Variants in CEACAM5 observed in about 807,000 individuals in gnomAD.
The protein encoded by CEACAM5 is cell adhesion molecule CEACAM5.
Under a neutral mutation model 63.0 loss-of-function variants are expected in CEACAM5, and 52 were observed. The observed-to-expected ratio is 0.83, with a 90% CI of 0.66 to 1.04. The LOEUF (loss-of-function observed/expected upper bound fraction) is 1.04. CEACAM5 is among the 50% of genes least tolerant of loss of function. The pLI, the probability that CEACAM5 is intolerant of heterozygous loss-of-function variation, is 0.00. For synonymous variants in CEACAM5, 357 were observed against 351.3 expected (o/e 1.02, Z -0.18); for missense variants, 790 against 864.8 (o/e 0.91, Z 1.08).
intron 7 of CEACAM5, among the ~76,000 whole-genome samples, chr19:41,720,659 G>A (rs10417322): frequency 0.37 from 56,776 of 151,734 alleles, 10,895 homozygotes; most frequent in African/African-American, 0.46. Context: ...CACACGTGCC[G>A]CCATGCCCAG....
Position 41,727,326 on chromosome 19 carries a change from T to C in CEACAM5, c.*10T>C. On this transcript the variant is annotated 3_prime_UTR_variant, in exon 9 of 10. Coordinates refer to ENST00000221992, the MANE Select transcript of CEACAM5 (RefSeq NM_004363.6). Reference sequence around the variant, plus strand: ...GGTTGCTCTGATATAGCAGCCCTGGTGTAGTTTCTTCATTTCAGGAAGACT... The same window carrying C: ...GGTTGCTCTGATATAGCAGCCCTGGCGTAGTTTCTTCATTTCAGGAAGACT... 2 of 1,600,902 alleles carry C rather than the reference T, an allele frequency of 1.2e-6. No individual in the cohort carries two copies. Among genetic ancestry groups the C allele is most frequent in the African/African-American group, 2.7e-5 (2 of 74,660 alleles).
At chr19:41,723,514 G>A (rs1207708191) in intron 8 of CEACAM5, among the ~76,000 whole-genome samples, 2 of 152,030 alleles carry the variant, frequency 1.3e-5, no homozygotes, top group Admixed American at 6.6e-5. Context: ...TGGGATTTTG[G>A]ATTTTTGTGG....
intron 8 of CEACAM5, among the ~76,000 whole-genome samples, chr19:41,722,532 C>T (rs947927497): frequency 1.8e-4 from 28 of 152,158 alleles, no homozygotes; most frequent in African/African-American, 6.5e-4. Context: ...CTCCATTCTA[C>T]TTTCTGTCTC....
intron 6 of CEACAM5, among the ~76,000 whole-genome samples, chr19:41,718,698 G>C (rs1555815579): frequency 6.6e-6 from 1 of 152,224 alleles, no homozygotes; most frequent in African/African-American, 2.4e-5. Context: ...GCTCCTCTCT[G>C]TCACCAATAT....
chr19:41,719,816 G>A (rs2072588352), intron 6 of CEACAM5, 114 bp from the exon 7 acceptor site: 1 of 1,549,264 alleles, frequency 6.5e-7, no homozygotes. Context: ...CCTGCCATGG[G>A]CTTTTAAGGA....
intron 9 of CEACAM5, among the ~76,000 whole-genome samples, chr19:41,727,912 C>T (rs1418645795): frequency 1.3e-5 from 2 of 152,180 alleles, no homozygotes; most frequent in Non-Finnish European, 2.9e-5. Flanking sequence ...ACATCCCTGC[C>T]TCTCCACCCC....
At chr19:41,719,452 C>T (rs952792399) in intron 6 of CEACAM5, among the ~76,000 whole-genome samples, 4 of 152,196 alleles carry the variant, frequency 2.6e-5, no homozygotes, top group Admixed American at 6.5e-5. Flanking sequence ...TCTAGACTTG[C>T]TCCTGGTCTC....
At chr19:41,716,622 A>C (rs1473873345) in intron 4 of CEACAM5, among the ~76,000 whole-genome samples, 1 of 152,218 alleles carries the variant, frequency 6.6e-6, no homozygotes, top group African/African-American at 2.4e-5. Flanking sequence ...TGGGCACAGC[A>C]CATGGGACAC....
intron 2 of CEACAM5, among the ~76,000 whole-genome samples, chr19:41,711,439 A>G (rs2072434306): frequency 1.3e-5 from 2 of 152,168 alleles, no homozygotes; most frequent in East Asian, 1.9e-4. Flanking sequence ...TGAGTGAAGG[A>G]ATGATCCATA....
Position 41,720,129 on chromosome 19 carries a change from T to A in CEACAM5, c.1692T>A (p.Asn564Lys). 6.2e-7 allele frequency: 1 copy of A among 1,614,198 alleles called. No individual in the cohort carries two copies. The highest frequency in any genetic ancestry group is 1.1e-5 in the South Asian group (1 of 91,084). Residue 564 changes from asparagine (N) to lysine (K), a missense_variant, in exon 7 of 10, where the codon AAT becomes AAA. Transcript: ENST00000221992. ...RTLTLFNVTRNDARAYVCGIQ... is the reference protein window; with the variant it reads ...RTLTLFNVTRKDARAYVCGIQ... ...TCACTCTATTCAATGTCACAAGAAA[T>A]GACGCAAGAGCCTATGTATGTGGAA...
intron 9 of CEACAM5, among the ~76,000 whole-genome samples, chr19:41,728,031 G>A (rs1342941369): frequency 6.6e-6 from 1 of 152,126 alleles, no homozygotes; most frequent in Non-Finnish European, 1.5e-5. Context: ...TTAATCACAA[G>A]CAACTTCTGA....
rs10423171 is a variant in CEACAM5 at position 41,721,140 on chromosome 19, C to A, written c.1990C>A (p.Arg664Ser). Residue 664 changes from arginine to serine, a missense_variant, in exon 8 of 10, where the codon CGC (arginine) becomes AGC (serine). Coordinates refer to ENST00000221992, the MANE Select transcript of CEACAM5 (RefSeq NM_004363.6). ...TTTTGTCTCTAACTTGGCTACTGGC[C>A]GCAATAATTCCATAGTCAAGAGCAT... ...ACFVSNLATG[R>S]NNSIVKSITV... The A allele has an allele frequency of 9.1e-3, 14,705 of 1,614,132 alleles. 1,199 individuals carry two copies. In the African/African-American group the frequency reaches 0.18, roughly 19 times the overall value.
chr19:41,717,974 G>A (rs1403871871), intron 5 of CEACAM5, among the ~76,000 whole-genome samples, 154 bp from the exon 6 acceptor site: 6 of 152,202 alleles, frequency 3.9e-5, no homozygotes, highest in Non-Finnish European at 8.8e-5. Context: ...ACAGATGAAT[G>A]TCTCAGACTC....
At chr19:41,711,393 C>G (rs543877339) in intron 2 of CEACAM5, among the ~76,000 whole-genome samples, 2 of 152,342 alleles carry the variant, frequency 1.3e-5, no homozygotes, top group South Asian at 4.1e-4. Context: ...AAGTGAGACA[C>G]ACGCTTGCTC....
chr19:41,722,463 A>G (rs555146936), intron 8 of CEACAM5, among the ~76,000 whole-genome samples: 1 of 152,092 alleles, frequency 6.6e-6, no homozygotes, highest in African/African-American at 2.4e-5. Flanking sequence ...TCATCTTACC[A>G]TACTAAACCT....
At chr19:41,719,231 C>T (rs1204885512) in intron 6 of CEACAM5, among the ~76,000 whole-genome samples, 1 of 152,152 alleles carries the variant, frequency 6.6e-6, no homozygotes, top group Non-Finnish European at 1.5e-5. Flanking sequence ...GGTAAGAATA[C>T]CAGCCACTAT....
Position 41,727,241 on chromosome 19 carries a change from A to G in CEACAM5, c.2034A>G (p.Gly678=), listed in dbSNP as rs2072712726. 2 of 1,613,458 alleles carry G rather than the reference A, an allele frequency of 1.2e-6. No homozygotes were observed. Among genetic ancestry groups the G allele is most frequent in the Middle Eastern group, 3.3e-4 (2 of 6,062 alleles). ...IVKSITVSAS[G]TSPGLSAGAT... ...CCATGACGGACGATTCAGCATCTGG[A>G]ACTTCTCCTGGTCTCTCAGCTGGGG... Residue 678 remains glycine (G), a synonymous_variant, in exon 9 of 10, where the codon GGA becomes GGG. Coordinates refer to ENST00000221992, the MANE Select transcript of CEACAM5 (RefSeq NM_004363.6).
At chr19:41,717,369 T>A in intron 4 of CEACAM5, 86 bp from the exon 5 acceptor site, 1 of 1,438,630 alleles carries the variant, frequency 7.0e-7, no homozygotes, top group Non-Finnish European at 9.6e-7. Flanking sequence ...GGCTGAGAGG[T>A]GGGAGATGCC....
intron 8 of CEACAM5, among the ~76,000 whole-genome samples, chr19:41,722,003 T>C: frequency 6.6e-6 from 1 of 152,122 alleles, no homozygotes; most frequent in East Asian, 1.9e-4. Flanking sequence ...AAAGTGTGTG[T>C]TTATAGAGAG....
Sources: gnomAD v4.1 joint callset for allele counts (sites outside exome capture counted in the v4.1 genomes callset) on GRCh38, gnomAD v4.1.1 for gene constraint, MANE v1.5 for transcripts, NCBI Gene and HGNC (gene_info 2026-07-23, HGNC 2026-07-21) for gene names.